The following PJA2 variants were observed in gnomAD, a reference collection of about 807,000 sequenced individuals.
PJA2 encodes praja ring finger ubiquitin ligase 2.
A neutral mutation model predicts 69.3 loss-of-function variants in PJA2; 25 were observed. The observed-to-expected ratio is 0.36, with a 90% CI of 0.26 to 0.50. The LOEUF is 0.50. PJA2 is among the 20% of genes least tolerant of loss of function. PJA2 has a pLI of 0.96. For synonymous variants in PJA2, 308 were observed against 277.8 expected, an observed-to-expected ratio of 1.11 and a Z score of -1.08; for missense variants, 809 against 830.2, an observed-to-expected ratio of 0.97 and a Z score of 0.31.
In PJA2 at chr5:109,336,527, C is replaced by A. The variant is rs901896023; in HGVS notation, c.*704G>T. The stretch of plus-strand genomic sequence containing the variant: ...TCTAATTCAGCTCATTGTACCAAGC[C>A]CTGAGCACACTAGATTCTTTGTATG... On this transcript the variant is annotated 3_prime_UTR_variant, in exon 10 of 10. Transcript: ENST00000361189. The A allele has an allele frequency of 6.6e-6, 1 of 151,880 alleles. No individual in the cohort carries two copies. The highest frequency in any genetic ancestry group is 2.4e-5 in the African/African-American group (1 of 41,328). The allele number at this position is 151,880 out of a possible 1,614,324, so 9.4% of individuals were successfully genotyped here.
rs1055388693 is a variant in PJA2, at chr5:109,352,891, A to G, written c.1764+3024T>C. Among the ~76,000 whole-genome samples the G allele has an allele frequency of 4.0e-5, 6 of 149,536 alleles. No homozygotes were observed. In the East Asian group the frequency reaches 1.2e-3, roughly 29 times the overall value. ...ATCTATATATTAGATATCTATATCT[A>G]TAGACATCTATATATTAGATACCTA... On this transcript the variant is annotated intron_variant, in intron 7 of 9. Coordinates refer to ENST00000361189, the MANE Select transcript of PJA2 (RefSeq NM_014819.5).
At chr5:109,339,876 G>A (rs1234201097) in intron 9 of PJA2, among the ~76,000 whole-genome samples, 1 of 152,174 alleles carries the variant, frequency 6.6e-6, no homozygotes, top group African/African-American at 2.4e-5. Context: ...TTAACAAAAT[G>A]CCAGATAAAC....
intron 4 of PJA2, among the ~76,000 whole-genome samples, chr5:109,375,897 G>C (rs74423626): frequency 0.03 from 4,632 of 152,216 alleles, 93 homozygotes; most frequent in Middle Eastern, 0.048. Flanking sequence ...AGGGAATTAG[G>C]GTAGAGGAAC....
At chr5:109,343,618 ATATT>A (rs1450397460) in intron 9 of PJA2, among the ~76,000 whole-genome samples, 5 of 152,320 alleles carry the variant, frequency 3.3e-5, no homozygotes, top group African/African-American at 1.2e-4. Context: ...GAGTTTTCAG[ATATT>A]TAATCACTTC....
chr5:109,365,953 G>T lies in PJA2; in HGVS notation c.1469+2608C>A, dbSNP rs113182476. Among the ~76,000 whole-genome samples the T allele has an allele frequency of 9.2e-3, 1,399 of 152,158 alleles. 16 individuals are homozygous for T. Among genetic ancestry groups the T allele is most frequent in the African/African-American group, 0.032 (1,347 of 41,518 alleles). ...AAAGTACAGGTTATTTTCTCCCTTT[G>T]GTCAAAGCTCTATTGGTGTCTATCT... On this transcript the variant is annotated intron_variant, in intron 5 of 9. Coordinates refer to ENST00000361189, the MANE Select transcript of PJA2 (RefSeq NM_014819.5).
At chr5:109,355,784 A>G (rs1226859169) in intron 7 of PJA2, 131 bp downstream of exon 7, 2 of 556,770 alleles carry the variant, frequency 3.6e-6, no homozygotes, top group Admixed American at 3.1e-5. Context: ...GACAATTATT[A>G]TTCAATAACT....
At chr5:109,404,417 A>C (rs1747634026) in intron 1 of PJA2, among the ~76,000 whole-genome samples, 1 of 151,964 alleles carries the variant, frequency 6.6e-6, no homozygotes, top group African/African-American at 2.4e-5. Context: ...GCTACTCGGG[A>C]GGCTGAGGCA....
At chr5:109,346,620 C>A (rs892054797) in intron 7 of PJA2, among the ~76,000 whole-genome samples, 2 of 152,144 alleles carry the variant, frequency 1.3e-5, no homozygotes, top group African/African-American at 4.8e-5. Flanking sequence ...CATGGATGAA[C>A]CTTGAAGACA....
rs376163274 is a variant in PJA2 at position 109,397,439 on chromosome 5, G to A, written c.-88+12403C>T. On this transcript the variant is annotated intron_variant, in intron 1 of 9. Coordinates refer to ENST00000361189, the MANE Select transcript of PJA2 (RefSeq NM_014819.5). ...GTCATTCCCAGTTCAGTTGTGAAACGGACTGACTGCCAACAAGGGAAATGA... is the reference window on the plus strand; with the variant it reads ...GTCATTCCCAGTTCAGTTGTGAAACAGACTGACTGCCAACAAGGGAAATGA... 2.0e-4 allele frequency among the ~76,000 whole-genome samples: 30 copies of A among 151,956 alleles called. No individual in the cohort carries two copies. The South Asian group carries it at 2.9e-3, about 15-fold the overall frequency.
chr5:109,344,089 CTT>C (rs2126986949), intron 9 of PJA2, 99 bp downstream of exon 9: 2 of 899,260 alleles, frequency 2.2e-6, no homozygotes, highest in Non-Finnish European at 3.0e-6. Context: ...AAGAGCGAAA[CTT>C]TGTCTCACCA....
chr5:109,352,556 T>C (rs975341072), intron 7 of PJA2, among the ~76,000 whole-genome samples: 22 of 152,254 alleles, frequency 1.4e-4, no homozygotes, highest in African/African-American at 5.1e-4. Context: ...AAAATCCTAA[T>C]TGTATCCTAT....
chr5:109,409,659 G>T (rs1238977967), intron 1 of PJA2, among the ~76,000 whole-genome samples, 183 bp downstream of exon 1: 1 of 151,948 alleles, frequency 6.6e-6, no homozygotes, highest in African/African-American at 2.4e-5. Flanking sequence ...GGCGAAGAAG[G>T]CCTCCCACAG....
At position 109,401,245 on chromosome 5, in the gene PJA2, T is replaced by C. The variant is rs145461530; in HGVS notation, c.-88+8597A>G. ...GTTGCAGTGAGCTGAGATGGCGCCATTGCACTCCAACCTGGGCGACAGAGT... is the reference window on the plus strand; with the variant it reads ...GTTGCAGTGAGCTGAGATGGCGCCACTGCACTCCAACCTGGGCGACAGAGT... On this transcript the variant is annotated intron_variant, in intron 1 of 9. Transcript: ENST00000361189. Among the ~76,000 whole-genome samples the C allele has an allele frequency of 6.3e-4, 95 of 151,476 alleles. 2 individuals are homozygous for C. In the East Asian group the frequency reaches 0.014, roughly 22 times the overall value.
chr5:109,407,941 T>C (rs1407919209), intron 1 of PJA2, among the ~76,000 whole-genome samples: 1 of 152,178 alleles, frequency 6.6e-6, no homozygotes, highest in Non-Finnish European at 1.5e-5. Context: ...AATTTCAATA[T>C]AACCTTATTC....
rs1335980980 is a variant in PJA2, at chr5:109,407,037, A to G, written c.-88+2805T>C. On this transcript the variant is annotated intron_variant, in intron 1 of 9. Coordinates refer to ENST00000361189, the MANE Select transcript of PJA2 (RefSeq NM_014819.5). ...AGTGCTTTCCTAGTCCTGAGGGTGAAATTGTGATTGACTGCAAAAGGGAAC... is the reference window on the plus strand; with the variant it reads ...AGTGCTTTCCTAGTCCTGAGGGTGAGATTGTGATTGACTGCAAAAGGGAAC... Among the ~76,000 whole-genome samples, 4 of 152,192 alleles carry G rather than the reference A, an allele frequency of 2.6e-5. No individual in the cohort carries two copies. The East Asian group carries it at 7.7e-4, about 29-fold the overall frequency.
chr5:109,393,549 G>A (rs1029463716), intron 1 of PJA2, among the ~76,000 whole-genome samples: 1 of 151,442 alleles, frequency 6.6e-6, no homozygotes, highest in African/African-American at 2.4e-5. Flanking sequence ...GAGGGTGACT[G>A]CCCTAGCCCA....
rs1438280848 is a variant in PJA2 at position 109,341,585 on chromosome 5, G to A, written c.2001+2605C>T. Among the ~76,000 whole-genome samples the A allele has an allele frequency of 1.0e-4, 12 of 116,286 alleles. No individual in the cohort carries two copies. The East Asian group carries it at 1.0e-3, about 10-fold the overall frequency. The allele number at this position is 116,286 out of a possible 152,430, so 76.3% of individuals were successfully genotyped here. ...AGCCCCCCGCCCGGCCAGCCGCCCCGTCCGGGAGGGAGGTGGGGGGGTCAG... is the reference window on the plus strand; with the variant it reads ...AGCCCCCCGCCCGGCCAGCCGCCCCATCCGGGAGGGAGGTGGGGGGGTCAG... On this transcript the variant is annotated intron_variant, in intron 9 of 9. Transcript: ENST00000361189.
At chr5:109,371,244 A>G (rs1018163938) in intron 4 of PJA2, among the ~76,000 whole-genome samples, 4 of 152,178 alleles carry the variant, frequency 2.6e-5, no homozygotes, top group African/African-American at 9.6e-5. Context: ...GCATATCCCC[A>G]GCCAGCCCCA....
rs145142058 is a variant in PJA2 at position 109,397,072 on chromosome 5, G to C, written c.-88+12770C>G. ...ATGAATGGACTAGTACCTTATAAAA[G>C]GCTGGGGGAAACTACTTAGCCCTTT... On this transcript the variant is annotated intron_variant, in intron 1 of 9. Transcript: ENST00000361189. Among the ~76,000 whole-genome samples, 893 of 152,240 alleles carry C rather than the reference G, an allele frequency of 5.9e-3. 7 individuals carry two copies. Among genetic ancestry groups the C allele is most frequent in the Non-Finnish European group, 8.9e-3 (607 of 68,002 alleles).
Sources: gnomAD v4.1 joint callset for allele counts (sites outside exome capture counted in the v4.1 genomes callset) on GRCh38, gnomAD v4.1.1 for gene constraint, MANE v1.5 for transcripts, NCBI Gene and HGNC (gene_info 2026-07-23, HGNC 2026-07-21) for gene names.